The following NFIA variants were observed in gnomAD, a reference collection of about 807,000 sequenced individuals.
NFIA encodes the protein nuclear factor I A.
A neutral mutation model predicts 62.8 loss-of-function variants in NFIA; 8 were observed. The observed-to-expected ratio is 0.13, with a 90% CI of 0.07 to 0.23. The LOEUF is 0.23. Ranked by LOEUF, NFIA falls within the 10% of genes least tolerant of loss-of-function variation. The pLI is 1.00. For missense variants in NFIA, 410 were observed against 642.1 expected, an observed-to-expected ratio of 0.64 and a Z score of 3.91; for synonymous variants, 235 against 238.1, an observed-to-expected ratio of 0.99 and a Z score of 0.12.
At chr1:61,164,454 T>TG (rs1553157031) in intron 2 of NFIA, among the ~76,000 whole-genome samples, 9 of 151,910 alleles carry the variant, frequency 5.9e-5, no homozygotes, top group Non-Finnish European at 1.2e-4. Context: ...TATGTGTTTT[T>TG]TTTGTTTGTT....
At chr1:61,129,296 A>C (rs147767063) in intron 2 of NFIA, among the ~76,000 whole-genome samples, 16 of 152,208 alleles carry the variant, frequency 1.1e-4, no homozygotes, top group Admixed American at 3.3e-4. Flanking sequence ...GAAGTAGCCC[A>C]GTTGTCCCAG....
chr1:61,201,035 C>T (rs372274486), intron 2 of NFIA, among the ~76,000 whole-genome samples: 8 of 152,096 alleles, frequency 5.3e-5, no homozygotes, highest in African/African-American at 4.8e-5. Context: ...GGGAAAACAA[C>T]GACTCCCTCT....
chr1:61,359,564 T>G (rs1557730971), intron 6 of NFIA, among the ~76,000 whole-genome samples: 1 of 152,152 alleles, frequency 6.6e-6, no homozygotes, highest in African/African-American at 2.4e-5. Flanking sequence ...TTGGTTTTTT[T>G]GTTTGTTTTG....
At chr1:61,122,867 T>C (rs952760699) in intron 2 of NFIA, among the ~76,000 whole-genome samples, 2 of 152,180 alleles carry the variant, frequency 1.3e-5, no homozygotes, top group Non-Finnish European at 2.9e-5. Flanking sequence ...CTGTCAGCCA[T>C]CTTCTAGGTT....
chr1:61,346,611 A>T (rs1268978898), intron 4 of NFIA, among the ~76,000 whole-genome samples: 1 of 152,070 alleles, frequency 6.6e-6, no homozygotes, highest in Non-Finnish European at 1.5e-5. Context: ...CATTGTAAAA[A>T]TTCTATTTTC....
At chr1:61,268,441 C>T (rs1188397432) in intron 2 of NFIA, among the ~76,000 whole-genome samples, 1 of 151,938 alleles carries the variant, frequency 6.6e-6, no homozygotes, top group South Asian at 2.1e-4. Flanking sequence ...TTCTTAATTC[C>T]CTTTCTTCCT....
chr1:61,180,209 C>T (rs34821139), intron 2 of NFIA, among the ~76,000 whole-genome samples: 11,959 of 152,120 alleles, frequency 0.079, 655 homozygotes, highest in South Asian at 0.14. Context: ...GGCTTGAACT[C>T]CGTCACTCAA....
intron 6 of NFIA, among the ~76,000 whole-genome samples, chr1:61,361,084 G>A (rs2180198): frequency 0.83 from 125,642 of 152,008 alleles, 52,033 homozygotes; most frequent in East Asian, 0.95. Flanking sequence ...ATCATTATAC[G>A]GTGATATGGG....
intron 2 of NFIA, among the ~76,000 whole-genome samples, chr1:61,260,587 C>T (rs900311551): frequency 3.3e-5 from 5 of 152,152 alleles, no homozygotes; most frequent in Admixed American, 2.0e-4. Context: ...CAAGAAATTA[C>T]TATTTTTTTT....
chr1:61,319,790 A>C (rs1204875089), intron 3 of NFIA, among the ~76,000 whole-genome samples: 2 of 139,524 alleles, frequency 1.4e-5, no homozygotes, highest in African/African-American at 5.6e-5. Context: ...GGAAGAATTA[A>C]ACACACACAC....
At chr1:61,192,689 C>A (rs1033559697) in intron 2 of NFIA, among the ~76,000 whole-genome samples, 1 of 148,248 alleles carries the variant, frequency 6.7e-6, no homozygotes, top group Non-Finnish European at 1.5e-5. Context: ...GGTGACGGAG[C>A]GAGACTCTTG....
At chr1:61,129,035 G>A (rs1647028150) in intron 2 of NFIA, among the ~76,000 whole-genome samples, 1 of 137,334 alleles carries the variant, frequency 7.3e-6, no homozygotes, top group South Asian at 2.4e-4. Context: ...CCATTCTCCT[G>A]CCTCAGCCTC....
At chr1:61,453,812 CTCT>C (rs1179927718) in intron 10 of NFIA, among the ~76,000 whole-genome samples, 1 of 152,178 alleles carries the variant, frequency 6.6e-6, no homozygotes, top group Non-Finnish European at 1.5e-5. Flanking sequence ...TTCTCTCCCC[CTCT>C]TCTTTCTTTT....
At chr1:61,353,251 T>C (rs1208362063) in intron 5 of NFIA, among the ~76,000 whole-genome samples, 1 of 152,108 alleles carries the variant, frequency 6.6e-6, no homozygotes, top group East Asian at 1.9e-4. Context: ...CAAGTGAGGG[T>C]GGGGCCAGAC....
chr1:61,163,547 G>T (rs1649360713), intron 2 of NFIA, among the ~76,000 whole-genome samples: 1 of 152,044 alleles, frequency 6.6e-6, no homozygotes, highest in Non-Finnish European at 1.5e-5. Flanking sequence ...TTGTCACCAT[G>T]ATATTGTTTT....
At chr1:61,441,550 C>A (rs1039856343) in intron 10 of NFIA, among the ~76,000 whole-genome samples, 1 of 152,082 alleles carries the variant, frequency 6.6e-6, no homozygotes, top group Non-Finnish European at 1.5e-5. Context: ...GTAATTTTGA[C>A]TAATTTCTGT....
chr1:61,164,810 G>A (rs1649461979), intron 2 of NFIA, among the ~76,000 whole-genome samples: 1 of 152,112 alleles, frequency 6.6e-6, no homozygotes, highest in Non-Finnish European at 1.5e-5. Context: ...GAAGAAGTGG[G>A]AAATCATTGT....
At chr1:61,166,449 A>T (rs1457020598) in intron 2 of NFIA, among the ~76,000 whole-genome samples, 2 of 152,170 alleles carry the variant, frequency 1.3e-5, no homozygotes, top group East Asian at 3.9e-4. Context: ...CAGAAGATCC[A>T]CCCACACTGG....
upstream of NFIA, chr1:61,077,288 A>G (rs1031392848): frequency 3.7e-6 from 1 of 269,952 alleles, no homozygotes; most frequent in African/African-American, 2.2e-5. Flanking sequence ...AATCCAAAGC[A>G]CGCAAGGCAA....
Sources: gnomAD v4.1 joint callset for allele counts (sites outside exome capture counted in the v4.1 genomes callset) on GRCh38, gnomAD v4.1.1 for gene constraint, MANE v1.5 for transcripts, NCBI Gene and HGNC (gene_info 2026-07-23, HGNC 2026-07-21) for gene names.